KLF12: variants seen among roughly 807,000 people sequenced by gnomAD.
KLF12 encodes the protein KLF transcription factor 12.
A neutral mutation model predicts 37.8 loss-of-function variants in KLF12; 9 were observed. The ratio of observed to expected loss-of-function variants is 0.24; its 90% confidence interval spans 0.14 to 0.42. The LOEUF (loss-of-function observed/expected upper bound fraction) is 0.42, where lower values mean the gene tolerates loss of function less well. Ranked by LOEUF, KLF12 falls within the 10% of genes least tolerant of loss-of-function variation. KLF12 has a pLI of 1.00. For missense variants in KLF12, 411 were observed against 516.0 expected, an observed-to-expected ratio of 0.80 and a Z score of 1.97; for synonymous variants, 208 against 202.1, an observed-to-expected ratio of 1.03 and a Z score of -0.25.
chr13:74,282,874 C>T, the KLF12 span, among the ~76,000 whole-genome samples: 6 of 152,138 alleles, frequency 3.9e-5, no homozygotes, highest in Non-Finnish European at 1.5e-5. Flanking sequence ...TGGTTATATA[C>T]TGGCTACATG....
chr13:73,976,885 G>A (rs898853406), intron 2 of KLF12, among the ~76,000 whole-genome samples: 1 of 152,022 alleles, frequency 6.6e-6, no homozygotes, highest in Non-Finnish European at 1.5e-5. Context: ...GAAACACAAG[G>A]AGAAAGTGAC....
At chr13:74,302,695 C>A in the KLF12 span, among the ~76,000 whole-genome samples, 2 of 152,094 alleles carry the variant, frequency 1.3e-5, no homozygotes, top group African/African-American at 4.8e-5. Context: ...GCTCAAGGGA[C>A]AAAATTCCAG....
intron 1 of KLF12, among the ~76,000 whole-genome samples, chr13:74,007,510 C>T (rs1457874992): frequency 1.3e-5 from 2 of 152,002 alleles, no homozygotes; most frequent in African/African-American, 2.4e-5. Flanking sequence ...CTCCTGACCT[C>T]GTGATCCGCC....
chr13:74,079,294 C>T (rs1480130323), intron 1 of KLF12, among the ~76,000 whole-genome samples: 1 of 152,066 alleles, frequency 6.6e-6, no homozygotes, highest in Non-Finnish European at 1.5e-5. Context: ...AAGTTCTGGA[C>T]ATGTATGGTG....
At chr13:73,890,203 C>CT (rs1291715726) in intron 3 of KLF12, among the ~76,000 whole-genome samples, 2 of 151,988 alleles carry the variant, frequency 1.3e-5, no homozygotes, top group African/African-American at 4.8e-5. Flanking sequence ...TATTTTCTGC[C>CT]TGACATAAAT....
chr13:73,989,105 T>G (rs143584274), intron 2 of KLF12, among the ~76,000 whole-genome samples: 606 of 152,362 alleles, frequency 4.0e-3, no homozygotes, highest in Admixed American at 7.8e-3. Context: ...GGTTACTTAT[T>G]CAAAATGGCA....
At chr13:74,190,227 C>T in the KLF12 span, among the ~76,000 whole-genome samples, 2 of 152,022 alleles carry the variant, frequency 1.3e-5, no homozygotes, top group African/African-American at 4.8e-5. Flanking sequence ...GTGACAACAA[C>T]ACACCAAACT....
At position 74,038,539 on chromosome 13, in the gene KLF12, T is replaced by C. The variant is rs368169400; in HGVS notation, c.-31-43486A>G. On this transcript the variant is annotated intron_variant, in intron 1 of 7. Coordinates refer to ENST00000377669, the MANE Select transcript of KLF12 (RefSeq NM_007249.5). ...AACAGACAGACATGAACACCTGAAG[T>C]TGATCCATATATATTATAGTCCAGC... Among the ~76,000 whole-genome samples, 45 of 152,226 alleles carry C rather than the reference T, an allele frequency of 3.0e-4. 1 individual carries two copies. The South Asian group carries it at 6.0e-3, about 20-fold the overall frequency.
chr13:73,717,537 C>T (rs2137696751), intron 6 of KLF12, among the ~76,000 whole-genome samples: 1 of 152,332 alleles, frequency 6.6e-6, no homozygotes, highest in South Asian at 2.1e-4. Context: ...TGTACCTTCT[C>T]CCTTTTACTA....
rs764662531 is a variant in KLF12 at position 73,846,357 on chromosome 13, T to C, written c.140A>G (p.Asn47Ser). The C allele has an allele frequency of 6.2e-7, 1 of 1,612,486 alleles. No homozygotes were observed. Among genetic ancestry groups the C allele is most frequent in the Non-Finnish European group, 8.5e-7 (1 of 1,179,530 alleles). ...GGGAACGGCTTCCATATCGGGATAG[T>C]TGTGGACGTTTGGAGACTGTGGGGA... is the stretch of plus-strand genomic sequence containing the variant. Residue 47 changes from asparagine (N) to serine (S), a missense_variant, in exon 4 of 8, where the codon AAC becomes AGC. Physicochemically the swap from Asn to Ser is conservative, Grantham distance 46 (BLOSUM62 1). Around this residue, in one of 2 missense-constraint regions of KLF12, gnomAD observed 351 missense variants for 397.8 expected, o/e 0.88. Coordinates refer to ENST00000377669, the MANE Select transcript of KLF12 (RefSeq NM_007249.5).
chr13:74,173,669 T>C, the KLF12 span, among the ~76,000 whole-genome samples: 1 of 152,188 alleles, frequency 6.6e-6, no homozygotes, highest in Non-Finnish European at 1.5e-5. Flanking sequence ...ACTTGCTCAG[T>C]TCTGTTACAT....
the KLF12 span, among the ~76,000 whole-genome samples, chr13:74,239,151 C>T: frequency 2.7e-5 from 4 of 146,318 alleles, no homozygotes; most frequent in South Asian, 2.3e-4. Flanking sequence ...TCTTTGTTCT[C>T]GTTGGTTTCA....
At chr13:74,031,696 T>TA (rs1566510929) in intron 1 of KLF12, among the ~76,000 whole-genome samples, 5 of 150,278 alleles carry the variant, frequency 3.3e-5, no homozygotes, top group African/African-American at 1.3e-4. Context: ...AATATCATGA[T>TA]AGATATTCCA....
At chr13:74,027,582 C>T (rs371650092) in intron 1 of KLF12, among the ~76,000 whole-genome samples, 49 of 152,208 alleles carry the variant, frequency 3.2e-4, no homozygotes, top group African/African-American at 1.1e-3. Flanking sequence ...ATAAAGGTTC[C>T]ACTCAGGCTA....
At chr13:73,869,894 G>T (rs945271706) in intron 3 of KLF12, among the ~76,000 whole-genome samples, 1 of 152,104 alleles carries the variant, frequency 6.6e-6, no homozygotes, top group South Asian at 2.1e-4. Flanking sequence ...TGGCTAACTT[G>T]TCCTTGTAGT....
the KLF12 span, among the ~76,000 whole-genome samples, chr13:74,217,039 T>C: frequency 6.6e-6 from 1 of 152,212 alleles, no homozygotes; most frequent in African/African-American, 2.4e-5. Flanking sequence ...TTTTTATTTT[T>C]AAAAATAGAC....
In KLF12 at chr13:73,694,220, C is replaced by T. The variant is rs1334603662; in HGVS notation, c.*1270G>A. 2.0e-5 allele frequency: 3 copies of T among 152,516 alleles called. No homozygotes were observed. Among genetic ancestry groups the T allele is most frequent in the East Asian group, 1.9e-4 (1 of 5,178 alleles). The allele number at this position is 152,516 out of a possible 1,614,324, so 9.4% of individuals were successfully genotyped here. A position where few individuals can be genotyped will look rare whatever the true frequency, so the allele number is the denominator to read the frequency against. ...TTCCAAGGAGAACTGACCCATTAAC[C>T]GAAGAGTTAATTCCCGGCTATGCCT... On this transcript the variant is annotated 3_prime_UTR_variant, in exon 8 of 8. Transcript: ENST00000377669.
intron 5 of KLF12, among the ~76,000 whole-genome samples, chr13:73,805,136 C>T (rs891829103): frequency 2.0e-5 from 3 of 152,096 alleles, no homozygotes; most frequent in African/African-American, 7.2e-5. Flanking sequence ...CCAAGATTTT[C>T]TTTGAATATT....
At chr13:73,877,033 A>G (rs1414101844) in intron 3 of KLF12, among the ~76,000 whole-genome samples, 3 of 151,998 alleles carry the variant, frequency 2.0e-5, no homozygotes, top group East Asian at 3.9e-4. Flanking sequence ...AAAAGAAAAG[A>G]AAAGAAATAC....
Sources: allele counts gnomAD v4.1 joint callset (sites outside exome capture counted in the v4.1 genomes callset), GRCh38; gene constraint gnomAD v4.1.1; regional missense constraint gnomAD v4.1.1; transcripts MANE v1.5; gene names NCBI Gene and HGNC (gene_info 2026-07-23, HGNC 2026-07-21).